The following SYT16 variants were observed in gnomAD, a reference collection of about 807,000 sequenced individuals.
The protein encoded by SYT16 is synaptotagmin-16.
In SYT16, 42 loss-of-function variants were observed where a neutral mutation model predicts 61.4. The ratio of observed to expected loss-of-function variants is 0.68; its 90% CI spans 0.53 to 0.89. The LOEUF (loss-of-function observed/expected upper bound fraction) is 0.89, where lower values mean the gene tolerates loss of function less well. Ranked by LOEUF, SYT16 falls within the 40% of genes least tolerant of loss-of-function variation. The pLI is 0.00. For synonymous variants in SYT16, 314 were observed against 302.3 expected (o/e 1.04, Z -0.40); for missense variants, 804 against 807.3 (o/e 1.00, Z 0.05).
At chr14:61,997,437 T>C (rs1157949344) in intron 3 of SYT16, among the ~76,000 whole-genome samples, 1 of 152,104 alleles carries the variant, frequency 6.6e-6, no homozygotes, top group Non-Finnish European at 1.5e-5. Context: ...GAATACCTCA[T>C]AGTCCCTTCA....
At chr14:61,946,085 G>A (rs1433528378) in intron 1 of SYT16, among the ~76,000 whole-genome samples, 1 of 152,084 alleles carries the variant, frequency 6.6e-6, no homozygotes, top group Non-Finnish European at 1.5e-5. Context: ...AGGAGAGATA[G>A]CATTAGGAGA....
At position 62,100,721 on chromosome 14, in the gene SYT16, CATT is replaced by C; in HGVS notation, c.*15_*17del. ...CTGGAATCCTAGGTTTGCTAACCTGCATTTGTGTGCTGTGTCCACCTTGGTTAC... is the reference window on the plus strand; with the variant it reads ...CTGGAATCCTAGGTTTGCTAACCTGCTGTGTGCTGTGTCCACCTTGGTTAC... On this transcript the variant is annotated 3_prime_UTR_variant, in exon 8 of 8. Coordinates refer to ENST00000683842, the MANE Select transcript of SYT16 (RefSeq NM_001367656.1). 1 of 1,605,778 alleles carries C rather than the reference CATT, an allele frequency of 6.2e-7. No individual in the cohort carries two copies. The highest frequency in any genetic ancestry group is 8.5e-7 in the Non-Finnish European group (1 of 1,175,890).
intron 7 of SYT16, among the ~76,000 whole-genome samples, chr14:62,096,487 A>C (rs1231072462): frequency 6.6e-6 from 1 of 152,138 alleles, no homozygotes; most frequent in Admixed American, 6.6e-5. Context: ...ATTATAATTT[A>C]TTAATACATT....
intron 1 of SYT16, among the ~76,000 whole-genome samples, chr14:61,856,124 G>A (rs1466044748): frequency 1.3e-5 from 2 of 152,252 alleles, no homozygotes; most frequent in Non-Finnish European, 2.9e-5. Flanking sequence ...TGGACAGCCA[G>A]ATGTGACGGG....
At chr14:61,902,989 G>A (rs1196302834) in intron 1 of SYT16, among the ~76,000 whole-genome samples, 1 of 152,182 alleles carries the variant, frequency 6.6e-6, no homozygotes, top group East Asian at 1.9e-4. Context: ...TTTGGGTGGG[G>A]ACACAGTCAA....
At position 61,813,560 on chromosome 14, in the gene SYT16, T is replaced by G. The variant is rs138146101; in HGVS notation, c.-325+750T>G. ...CCAAGTCACACCTGCGTACCTAGCA[T>G]CCAAAGTCCCTAGCACAGGTGTGGC... On this transcript the variant is annotated intron_variant, in intron 1 of 7. Transcript: ENST00000683842. Among the ~76,000 whole-genome samples the G allele has an allele frequency of 3.1e-3, 476 of 152,294 alleles. 5 individuals carry two copies. Among genetic ancestry groups the G allele is most frequent in the South Asian group, 0.023 (111 of 4,830 alleles).
chr14:62,041,804 C>T, intron 3 of SYT16, among the ~76,000 whole-genome samples: 1 of 152,164 alleles, frequency 6.6e-6, no homozygotes, highest in East Asian at 1.9e-4. Flanking sequence ...TCCCACAGCT[C>T]ACTGGTGCTT....
intron 7 of SYT16, among the ~76,000 whole-genome samples, chr14:62,088,862 A>T (rs1421216674): frequency 1.3e-5 from 2 of 152,170 alleles, no homozygotes; most frequent in African/African-American, 4.8e-5. Context: ...TGGGGAATAC[A>T]ATCTAGTGTG....
intron 1 of SYT16, among the ~76,000 whole-genome samples, chr14:61,831,596 C>T (rs2045936016): frequency 6.6e-6 from 1 of 152,172 alleles, no homozygotes; most frequent in Non-Finnish European, 1.5e-5. Context: ...TATGCTGAAG[C>T]ATCTCTTTCT....
At chr14:62,093,391 T>C (rs2057161098) in intron 7 of SYT16, among the ~76,000 whole-genome samples, 1 of 152,008 alleles carries the variant, frequency 6.6e-6, no homozygotes, top group Admixed American at 6.6e-5. Flanking sequence ...TCAGTAGTCA[T>C]AATAAATATA....
chr14:62,081,932 T>C (rs774504345), intron 6 of SYT16, among the ~76,000 whole-genome samples: 6 of 152,198 alleles, frequency 3.9e-5, no homozygotes, highest in African/African-American at 7.2e-5. Flanking sequence ...AGATGTTTAC[T>C]GTCAATTATG....
Position 61,899,133 on chromosome 14 carries a change from T to C in SYT16, c.-324-70999T>C, listed in dbSNP as rs190376766. ...TCACATTTAATTCTTTTAATAACTT[T>C]GTGAGGCAGGTATTACTAATCCCAT... On this transcript the variant is annotated intron_variant, in intron 1 of 7. Coordinates refer to ENST00000683842, the MANE Select transcript of SYT16 (RefSeq NM_001367656.1). Among the ~76,000 whole-genome samples, 123 of 146,918 alleles carry C rather than the reference T, an allele frequency of 8.4e-4. 1 individual carries two copies. The East Asian group carries it at 0.02, about 24-fold the overall frequency.
chr14:62,074,133 A>G (rs1182806004), intron 4 of SYT16, among the ~76,000 whole-genome samples: 1 of 152,104 alleles, frequency 6.6e-6, no homozygotes, highest in Admixed American at 6.5e-5. Flanking sequence ...GTGGGAGGCA[A>G]ATAGTGGGGG....
intron 3 of SYT16, among the ~76,000 whole-genome samples, chr14:62,067,800 AAAAC>A (rs137880362): frequency 0.1 from 15,858 of 151,684 alleles, 2,011 homozygotes; most frequent in African/African-American, 0.3. Flanking sequence ...TGTCTCTACT[AAAAC>A]AAACAAACAA....
chr14:61,876,933 A>T (rs1192043801), intron 1 of SYT16, among the ~76,000 whole-genome samples: 1 of 152,196 alleles, frequency 6.6e-6, no homozygotes, highest in Non-Finnish European at 1.5e-5. Flanking sequence ...AAACCAGGTC[A>T]TTTACTTTGA....
chr14:61,954,806 C>G (rs1182545949), intron 1 of SYT16, among the ~76,000 whole-genome samples: 6 of 152,086 alleles, frequency 3.9e-5, no homozygotes, highest in Non-Finnish European at 7.4e-5. Flanking sequence ...AATTGTAGCA[C>G]TGTGCTGACT....
At chr14:62,077,993 A>G (rs1380259201) in intron 5 of SYT16, among the ~76,000 whole-genome samples, 1 of 152,114 alleles carries the variant, frequency 6.6e-6, no homozygotes, top group Non-Finnish European at 1.5e-5. Context: ...AGTTGACAAA[A>G]CTAAGAGCTA....
At chr14:62,028,734 T>C (rs1385165860) in intron 3 of SYT16, among the ~76,000 whole-genome samples, 1 of 152,184 alleles carries the variant, frequency 6.6e-6, no homozygotes, top group Non-Finnish European at 1.5e-5. Context: ...GTTCTTCTAT[T>C]GTACAACTAG....
intron 1 of SYT16, among the ~76,000 whole-genome samples, chr14:61,914,978 A>G (rs746030169): frequency 2.0e-5 from 3 of 152,110 alleles, no homozygotes; most frequent in South Asian, 2.1e-4. Context: ...GTGCGGCCTC[A>G]TCTCCTCCAA....
Sources: allele counts gnomAD v4.1 joint callset (sites outside exome capture counted in the v4.1 genomes callset), GRCh38; gene constraint gnomAD v4.1.1; transcripts MANE v1.5; gene names NCBI Gene and HGNC (gene_info 2026-07-23, HGNC 2026-07-21).